The following RSU1 variants were observed in gnomAD, a reference collection of about 807,000 sequenced individuals.
The protein encoded by RSU1 is Ras suppressor protein 1, also known as rsu-1.
Under a neutral mutation model 31.1 loss-of-function variants are expected in RSU1, and 26 were observed. That is an observed-to-expected ratio of 0.84 (90% confidence interval 0.61 to 1.16). The LOEUF (loss-of-function observed/expected upper bound fraction) is 1.16, where lower values mean the gene tolerates loss of function less well. Ranked by LOEUF, RSU1 falls within the 50% of genes most tolerant of loss-of-function variation. The pLI is 0.00. For synonymous variants in RSU1, 164 were observed against 136.3 expected (o/e 1.20, Z -1.41); for missense variants, 320 against 339.1 (o/e 0.94, Z 0.44).
intron 2 of RSU1, among the ~76,000 whole-genome samples, chr10:16,792,799 TTG>T (rs1837953180): frequency 6.6e-6 from 1 of 152,224 alleles, no homozygotes; most frequent in Non-Finnish European, 1.5e-5. Context: ...CTTTTCCATT[TTG>T]GTTCCCTGGT....
intron 2 of RSU1, among the ~76,000 whole-genome samples, chr10:16,805,321 G>A (rs556756807): frequency 1.2e-3 from 182 of 152,310 alleles, no homozygotes; most frequent in Middle Eastern, 3.4e-3. Flanking sequence ...GAGGAGAGAC[G>A]TGGATCTGTA....
At chr10:16,599,346 G>A (rs1334065942) in intron 8 of RSU1, among the ~76,000 whole-genome samples, 2 of 152,126 alleles carry the variant, frequency 1.3e-5, no homozygotes, top group African/African-American at 2.4e-5. Context: ...CCTGGGAAAC[G>A]CCAACCATCC....
chr10:16,620,966 G>C (rs1335854918), intron 8 of RSU1, among the ~76,000 whole-genome samples: 1 of 152,122 alleles, frequency 6.6e-6, no homozygotes, highest in Non-Finnish European at 1.5e-5. Context: ...AATAGGTGCA[G>C]AGAGACTCTA....
At chr10:16,622,543 G>T (rs185273480) in intron 8 of RSU1, among the ~76,000 whole-genome samples, 1 of 152,238 alleles carries the variant, frequency 6.6e-6, no homozygotes, top group Admixed American at 6.5e-5. Flanking sequence ...GCTACAGAGG[G>T]TTTACACACA....
intron 8 of RSU1, among the ~76,000 whole-genome samples, chr10:16,670,823 G>T (rs1013812556): frequency 6.6e-6 from 1 of 151,972 alleles, no homozygotes; most frequent in Non-Finnish European, 1.5e-5. Context: ...GGAGTCCAAC[G>T]GCACAATCTT....
chr10:16,751,927 C>T (rs1046221615), intron 7 of RSU1, among the ~76,000 whole-genome samples: 1 of 152,080 alleles, frequency 6.6e-6, no homozygotes, highest in African/African-American at 2.4e-5. Context: ...GACATAAACC[C>T]ACCCTGGAAA....
chr10:16,616,657 G>T (rs1833982332), intron 8 of RSU1, among the ~76,000 whole-genome samples: 1 of 152,150 alleles, frequency 6.6e-6, no homozygotes, highest in South Asian at 2.1e-4. Context: ...ACATCAAAAA[G>T]CGTATCCACC....
intron 4 of RSU1, among the ~76,000 whole-genome samples, chr10:16,759,394 C>A (rs1188501585): frequency 6.6e-6 from 1 of 151,972 alleles, no homozygotes; most frequent in Non-Finnish European, 1.5e-5. Context: ...GTGGTCCCAG[C>A]TACTCAGGAG....
chr10:16,648,711 T>C (rs1342086639), intron 8 of RSU1, among the ~76,000 whole-genome samples: 1 of 152,176 alleles, frequency 6.6e-6, no homozygotes, highest in Non-Finnish European at 1.5e-5. Context: ...ACCTGGACTA[T>C]ATTCAGAAGA....
intron 8 of RSU1, among the ~76,000 whole-genome samples, chr10:16,677,493 T>C (rs1036306877): frequency 2.0e-5 from 3 of 152,094 alleles, no homozygotes; most frequent in African/African-American, 7.2e-5. Flanking sequence ...GTCCTGAATT[T>C]TTCTAGTAAA....
chr10:16,657,352 A>G (rs1015389130), intron 8 of RSU1, among the ~76,000 whole-genome samples: 1 of 152,202 alleles, frequency 6.6e-6, no homozygotes, highest in Non-Finnish European at 1.5e-5. Flanking sequence ...AATGTTTAAT[A>G]AATAGGCTGT....
At chr10:16,768,565 G>A (rs1386969272) in intron 3 of RSU1, among the ~76,000 whole-genome samples, 1 of 152,164 alleles carries the variant, frequency 6.6e-6, no homozygotes, top group Non-Finnish European at 1.5e-5. Flanking sequence ...GACTGCTGGG[G>A]ACGCTCTCAT....
chr10:16,775,506 A>G (rs1837509396), intron 3 of RSU1, among the ~76,000 whole-genome samples: 1 of 152,152 alleles, frequency 6.6e-6, no homozygotes, highest in South Asian at 2.1e-4. Context: ...TGGGGCTGAC[A>G]ACAAAAGGAA....
intron 8 of RSU1, among the ~76,000 whole-genome samples, chr10:16,644,200 T>C (rs891561724): frequency 1.3e-5 from 2 of 152,162 alleles, no homozygotes; most frequent in Non-Finnish European, 2.9e-5. Flanking sequence ...TGTCAATAAC[T>C]ATAAGCTGAG....
intron 4 of RSU1, 91 bp from the exon 5 acceptor site, chr10:16,755,080 G>A (rs1292846765): frequency 9.9e-6 from 7 of 704,458 alleles, no homozygotes; most frequent in African/African-American, 3.6e-5. Context: ...CGCTGAAAGT[G>A]TAAGACAGTG....
At chr10:16,679,959 G>A (rs971932484) in intron 8 of RSU1, among the ~76,000 whole-genome samples, 1 of 141,390 alleles carries the variant, frequency 7.1e-6, no homozygotes. Context: ...TTGGCTCACC[G>A]CAATCTCTCC....
intron 8 of RSU1, among the ~76,000 whole-genome samples, chr10:16,627,733 G>A (rs1425332076): frequency 6.8e-6 from 1 of 147,034 alleles, no homozygotes; most frequent in African/African-American, 2.6e-5. Context: ...CTCCGGCCTG[G>A]GCAACAAGAG....
chr10:16,756,517 T>C (rs923175401), intron 4 of RSU1, among the ~76,000 whole-genome samples: 10 of 152,180 alleles, frequency 6.6e-5, no homozygotes, highest in Admixed American at 5.9e-4. Context: ...TTTAAGATGA[T>C]CCACTTCCAC....
intron 4 of RSU1, among the ~76,000 whole-genome samples, chr10:16,756,832 T>G (rs1837096302): frequency 7.0e-6 from 1 of 142,926 alleles, no homozygotes; most frequent in African/African-American, 2.6e-5. Context: ...GTGTGCTGTG[T>G]GTGTGTGGTA....
Sources: gnomAD v4.1 joint callset for allele counts (sites outside exome capture counted in the v4.1 genomes callset) on GRCh38, gnomAD v4.1.1 for gene constraint, MANE v1.5 for transcripts, NCBI Gene and HGNC (gene_info 2026-07-23, HGNC 2026-07-21) for gene names.